The following ENOX2 variants were observed in gnomAD, a reference collection of about 807,000 sequenced individuals.
ENOX2 encodes the protein APK1 antigen.
A neutral mutation model predicts 45.0 loss-of-function variants in ENOX2; 36 were observed. That is an observed-to-expected ratio of 0.80 (90% CI 0.61 to 1.06). The LOEUF is 1.06. ENOX2 is among the 50% of genes least tolerant of loss of function. The probability of loss-of-function intolerance (pLI) is 0.00; values close to 1 mark genes in which losing one functional copy is unlikely to be tolerated. For missense variants in ENOX2, 423 were observed against 462.5 expected, an observed-to-expected ratio of 0.91 and a Z score of 0.78; for synonymous variants, 174 against 152.3, an observed-to-expected ratio of 1.14 and a Z score of -1.05.
intron 2 of ENOX2, among the ~76,000 whole-genome samples, chrX:130,838,116 C>T (rs1320795671): frequency 1.8e-5 from 2 of 112,359 alleles, no homozygotes; most frequent in Admixed American, 9.4e-5. Flanking sequence ...CATGATGGCT[C>T]ATGCCTGTAA....
chrX:130,870,905 G>GGAGAGA (rs2078572221), intron 2 of ENOX2, among the ~76,000 whole-genome samples: 1 of 104,778 alleles, frequency 9.5e-6, no homozygotes, highest in Non-Finnish European at 2.0e-5. Context: ...AGGGAGGGAG[G>GGAGAGA]GAGAGAGAGG....
chrX:130,777,934 C>T (rs1326033195), intron 3 of ENOX2, among the ~76,000 whole-genome samples: 1 of 112,040 alleles, frequency 8.9e-6, no homozygotes, highest in Non-Finnish European at 1.9e-5. Flanking sequence ...TTAGTCTACC[C>T]TTTTTCTTAT....
intron 10 of ENOX2, among the ~76,000 whole-genome samples, chrX:130,648,276 T>C (rs1345996579): frequency 9.1e-6 from 1 of 109,726 alleles, no homozygotes; most frequent in Non-Finnish European, 1.9e-5. Context: ...CTGTCTCTAC[T>C]AAAAATACAA....
intron 2 of ENOX2, among the ~76,000 whole-genome samples, chrX:130,858,572 A>C (rs1299867199): frequency 8.9e-6 from 1 of 111,945 alleles, no homozygotes; most frequent in Non-Finnish European, 1.9e-5. Flanking sequence ...ATACAAGCAA[A>C]CATGAGTCTT....
At chrX:130,772,243 TC>T (rs1450992627) in intron 3 of ENOX2, among the ~76,000 whole-genome samples, 1 of 112,230 alleles carries the variant, frequency 8.9e-6, no homozygotes, top group Non-Finnish European at 1.9e-5. Flanking sequence ...TGTAGTCCTC[TC>T]TGCACACCTA....
intron 2 of ENOX2, among the ~76,000 whole-genome samples, chrX:130,812,731 C>G (rs2077411507): frequency 9.0e-6 from 1 of 111,592 alleles, no homozygotes; most frequent in Non-Finnish European, 1.9e-5. Flanking sequence ...TTCATATTAC[C>G]AAGGCAATCT....
chrX:130,742,175 G>A (rs1395885774), intron 3 of ENOX2, among the ~76,000 whole-genome samples: 2 of 105,373 alleles, frequency 1.9e-5, no homozygotes, highest in African/African-American at 7.0e-5. Context: ...TGATGTACAA[G>A]CACTTAAAAA....
At chrX:130,854,577 C>G (rs112210441) in intron 2 of ENOX2, among the ~76,000 whole-genome samples, 1,643 of 110,988 alleles carry the variant, frequency 0.015, 15 homozygotes, top group Non-Finnish European at 0.024. Context: ...CACACACACA[C>G]AAATCTGCAC....
intron 3 of ENOX2, among the ~76,000 whole-genome samples, chrX:130,779,499 T>G (rs1250520471): frequency 4.5e-5 from 5 of 110,666 alleles, no homozygotes; most frequent in African/African-American, 1.6e-4. Context: ...TAGGGCCAGG[T>G]ATTTTTTTTT....
chrX:130,628,036 G>C lies in ENOX2; in HGVS notation c.1536C>G (p.Ile512Met), dbSNP rs1338191374. 1 of 1,186,609 alleles carries C rather than the reference G, an allele frequency of 8.4e-7. No individual in the cohort carries two copies. Among genetic ancestry groups the C allele is most frequent in the African/African-American group, 1.8e-5 (1 of 56,867 alleles). Residue 512 changes from isoleucine to methionine, a missense_variant, in exon 14 of 15, where the codon ATC becomes ATG. Physicochemically the swap from Ile to Met is conservative, Grantham distance 10. Transcript: ENST00000394363. ...SEREALLVGI[I>M]STFLHVHPFG... is the part of the protein sequence containing the mutation. Reference sequence around the variant, plus strand: ...ATGGGTGAACATGAAGGAATGTGGAGATAATCCCTACAGAGACAAGAGCAT... The same window carrying C: ...ATGGGTGAACATGAAGGAATGTGGACATAATCCCTACAGAGACAAGAGCAT...
intron 11 of ENOX2, 40 bp from the exon 12 acceptor site, chrX:130,635,131 G>A (rs184892186): frequency 2.6e-4 from 205 of 777,011 alleles, no homozygotes; most frequent in Non-Finnish European, 3.3e-4. Flanking sequence ...TATGAATTAC[G>A]GAGCCACACT....
At chrX:130,878,664 G>A (rs56824756) in intron 2 of ENOX2, among the ~76,000 whole-genome samples, 8 of 111,819 alleles carry the variant, frequency 7.2e-5, no homozygotes, top group African/African-American at 2.6e-4. Context: ...CTCAGTTCCA[G>A]AGAATGGAAA....
At chrX:130,677,819 G>A (rs930001716) in intron 6 of ENOX2, among the ~76,000 whole-genome samples, 2 of 111,054 alleles carry the variant, frequency 1.8e-5, no homozygotes, top group Non-Finnish European at 3.8e-5. Flanking sequence ...AGGCATGATG[G>A]CTCACACCTG....
At chrX:130,817,447 C>G (rs2077510254) in intron 2 of ENOX2, among the ~76,000 whole-genome samples, 1 of 111,809 alleles carries the variant, frequency 8.9e-6, no homozygotes. Flanking sequence ...ATACCAAAAC[C>G]TGGCAGAGAC....
intron 2 of ENOX2, among the ~76,000 whole-genome samples, chrX:130,795,903 CA>C (rs1242378035): frequency 1.8e-5 from 2 of 110,837 alleles, no homozygotes; most frequent in African/African-American, 6.6e-5. Flanking sequence ...ACCTAACCCC[CA>C]AAAGCTCTCT....
intron 2 of ENOX2, among the ~76,000 whole-genome samples, chrX:130,896,920 A>C (rs889629128): frequency 8.9e-6 from 1 of 112,318 alleles, no homozygotes; most frequent in Admixed American, 9.4e-5. Context: ...GTCGTATGGT[A>C]ATCCACTACA....
Position 130,670,102 on chromosome X carries a change from T to C in ENOX2, c.557A>G (p.Glu186Gly). 1 of 1,210,457 alleles carries C rather than the reference T, an allele frequency of 8.3e-7. No individual in the cohort carries two copies. The highest frequency in any genetic ancestry group is 1.1e-6 in the Non-Finnish European group (1 of 894,469). ...TCTGGCTAGCATACGCTGTTTACAC[T>C]CCCACTCATACAGGTCATCTCGAGC... ...AQARDDLYEWECKQRMLAREE... is the reference protein window; with the variant it reads ...AQARDDLYEWGCKQRMLAREE... Residue 186 changes from glutamate to glycine, a missense_variant, in exon 7 of 15, where the codon GAG becomes GGG. Transcript: ENST00000394363.
chrX:130,818,931 C>T (rs2077541143), intron 2 of ENOX2, among the ~76,000 whole-genome samples: 1 of 112,196 alleles, frequency 8.9e-6, no homozygotes. Flanking sequence ...TCAGAGTGAA[C>T]AGGCAACCTA....
chrX:130,773,988 GAGCAGAGAA>G (rs769144149), intron 3 of ENOX2, among the ~76,000 whole-genome samples: 2 of 112,000 alleles, frequency 1.8e-5, no homozygotes, highest in Non-Finnish European at 3.8e-5. Context: ...TCAGGAAATA[GAGCAGAGAA>G]AGCAGAGAAA....
Sources: gnomAD v4.1 joint callset for allele counts (sites outside exome capture counted in the v4.1 genomes callset) on GRCh38, gnomAD v4.1.1 for gene constraint, MANE v1.5 for transcripts, NCBI Gene and HGNC (gene_info 2026-07-23, HGNC 2026-07-21) for gene names.